The following NCKAP1 variants were observed in gnomAD, a reference collection of about 807,000 sequenced individuals.
NCKAP1 encodes NCK associated protein 1.
NCKAP1 carries 21 observed loss-of-function variants against 151.2 expected under a neutral mutation model. The observed-to-expected ratio is 0.14, with a 90% CI of 0.10 to 0.20. The LOEUF (loss-of-function observed/expected upper bound fraction) is 0.20, where lower values mean the gene tolerates loss of function less well. NCKAP1 is among the 10% of genes least tolerant of loss of function. The pLI, the probability that NCKAP1 is intolerant of heterozygous loss-of-function variation, is 1.00. For missense variants in NCKAP1, 933 were observed against 1,352.1 expected, an observed-to-expected ratio of 0.69 and a Z score of 4.86; for synonymous variants, 484 against 451.8, an observed-to-expected ratio of 1.07 and a Z score of -0.90.
chr2:183,005,494 T>C (rs1698455063), intron 2 of NCKAP1, among the ~76,000 whole-genome samples: 1 of 152,162 alleles, frequency 6.6e-6, no homozygotes, highest in Non-Finnish European at 1.5e-5. Context: ...ATTGGAAATC[T>C]CATCTCTTTA....
rs1478423121 is a variant in NCKAP1, at chr2:182,994,894, AAG to A, written c.742-9_742-8del. The A allele has an allele frequency of 6.3e-7, 1 of 1,595,292 alleles. No individual in the cohort carries two copies. Among genetic ancestry groups the A allele is most frequent in the Non-Finnish European group, 8.6e-7 (1 of 1,163,490 alleles). The stretch of plus-strand genomic sequence containing the variant: ...AGAGGTATTCACAAGGCATCTTAAA[AAG>A]AGAATATATACATTTGCAGTTAAAA... On this transcript the variant is annotated splice_polypyrimidine_tract_variant and splice_region_variant and intron_variant, in intron 7 of 30. Transcript: ENST00000361354.
In NCKAP1 at chr2:182,923,303, C is replaced by T. The variant is rs2105792826; in HGVS notation, c.*2399G>A. 1 of 151,706 alleles carries T rather than the reference C, an allele frequency of 6.6e-6. No homozygotes were observed. The highest frequency in any genetic ancestry group is 1.5e-5 in the Non-Finnish European group (1 of 67,958). The allele number at this position is 151,706 out of a possible 1,614,324, so 9.4% of individuals were successfully genotyped here. ...TTTCTTTTTTTTTTTGAGACAGTCTCATTCTGTCATCCAGGCTGGAGTGCA... is the reference window on the plus strand; with the variant it reads ...TTTCTTTTTTTTTTTGAGACAGTCTTATTCTGTCATCCAGGCTGGAGTGCA... On this transcript the variant is annotated 3_prime_UTR_variant, in exon 31 of 31. Coordinates refer to ENST00000361354, the MANE Select transcript of NCKAP1 (RefSeq NM_013436.5).
chr2:182,957,646 G>C (rs17265866), intron 18 of NCKAP1, 50 bp from the exon 19 acceptor site: 110,942 of 1,569,414 alleles, frequency 0.071, 4,515 homozygotes, highest in Non-Finnish European at 0.08. Flanking sequence ...TACTCTGAAA[G>C]CATACTAACT....
At chr2:182,941,720 G>A (rs544527418) in intron 24 of NCKAP1, among the ~76,000 whole-genome samples, 2 of 152,286 alleles carry the variant, frequency 1.3e-5, no homozygotes, top group East Asian at 1.9e-4. Context: ...TACGTATAAA[G>A]TTGATTTTTA....
intron 7 of NCKAP1, 87 bp downstream of exon 7, chr2:182,995,614 T>C: frequency 2.3e-6 from 3 of 1,277,204 alleles, no homozygotes; most frequent in Non-Finnish European, 1.1e-6. Context: ...TAATGCTAAT[T>C]AGAAACAAAC....
In NCKAP1 at chr2:182,990,049, T is replaced by C. The variant is rs557200693; in HGVS notation, c.791-863A>G. Among the ~76,000 whole-genome samples, 3 of 151,394 alleles carry C rather than the reference T, an allele frequency of 2.0e-5. No homozygotes were observed. In the South Asian group the frequency reaches 6.2e-4, roughly 31 times the overall value. On this transcript the variant is annotated intron_variant, in intron 8 of 30. Coordinates refer to ENST00000361354, the MANE Select transcript of NCKAP1 (RefSeq NM_013436.5). ...TATGCATACATACATAAAGAGAATC[T>C]ACTTTCCTAATCATGAGAATAAATC...
intron 16 of NCKAP1, among the ~76,000 whole-genome samples, chr2:182,965,402 G>A (rs1697549162): frequency 6.6e-6 from 1 of 151,592 alleles, no homozygotes. Flanking sequence ...ACAGTTCACT[G>A]CATCCTTAAC....
chr2:183,010,722 T>A lies in NCKAP1; in HGVS notation c.220-7397A>T, dbSNP rs372900250. ...AATTTTATCATCAGTACTACAAAAA[T>A]CACTAATTATATACCGTGGTATAGT... On this transcript the variant is annotated intron_variant, in intron 2 of 30. Coordinates refer to ENST00000361354, the MANE Select transcript of NCKAP1 (RefSeq NM_013436.5). Among the ~76,000 whole-genome samples, 50 of 152,300 alleles carry A rather than the reference T, an allele frequency of 3.3e-4. No homozygotes were observed. The East Asian group carries it at 3.5e-3, about 11-fold the overall frequency.
At chr2:182,969,340 GAACAATGTAGAAATTAAGGAA>G in intron 15 of NCKAP1, among the ~76,000 whole-genome samples, 1 of 152,124 alleles carries the variant, frequency 6.6e-6, no homozygotes, top group South Asian at 2.1e-4. Flanking sequence ...ATATGCTCCT[GAACAATGTAGAAATTAAGGAA>G]ATAAAAAATT....
At chr2:182,966,692 G>C (rs1274387070) in intron 16 of NCKAP1, among the ~76,000 whole-genome samples, 1 of 152,022 alleles carries the variant, frequency 6.6e-6, no homozygotes, top group Non-Finnish European at 1.5e-5. Flanking sequence ...TAGCCATTAA[G>C]GACCACATTT....
intron 1 of NCKAP1, 42 bp downstream of exon 1, chr2:183,037,950 G>T: frequency 6.7e-7 from 1 of 1,501,380 alleles, no homozygotes; most frequent in Non-Finnish European, 8.9e-7. Flanking sequence ...ATCCCTCCCG[G>T]GCCCGCCCGC....
chr2:182,962,231 T>C lies in NCKAP1; in HGVS notation c.1809A>G (p.Leu603=). 2 of 1,611,532 alleles carry C rather than the reference T, an allele frequency of 1.2e-6. No individual in the cohort carries two copies. The highest frequency in any genetic ancestry group is 1.7e-6 in the Non-Finnish European group (2 of 1,177,952). ...TTCGAGCTTGTTTGGCCATTTCATCTAGGAACATATTACATAAGGAAAGAC... is the reference window on the plus strand; with the variant it reads ...TTCGAGCTTGTTTGGCCATTTCATCCAGGAACATATTACATAAGGAAAGAC... ...DRSLSLCNMF[L]DEMAKQARNL... Residue 603 remains leucine (L), a synonymous_variant, in exon 18 of 31, where the codon CTA becomes CTG. Transcript: ENST00000361354.
At chr2:182,988,652 C>T (rs772322001) in intron 9 of NCKAP1, among the ~76,000 whole-genome samples, 2 of 152,056 alleles carry the variant, frequency 1.3e-5, no homozygotes, top group African/African-American at 2.4e-5. Context: ...TTTTTTATTG[C>T]TTCATATACT....
In NCKAP1 at chr2:183,006,802, G is replaced by C. The variant is rs1698480366; in HGVS notation, c.220-3477C>G. Reference sequence around the variant, plus strand: ...TAAGAACATAGGTAACACATTGTTTGATGTTATACAACAGAACATTAGAAA... The same window carrying C: ...TAAGAACATAGGTAACACATTGTTTCATGTTATACAACAGAACATTAGAAA... On this transcript the variant is annotated intron_variant, in intron 2 of 30. Coordinates refer to ENST00000361354, the MANE Select transcript of NCKAP1 (RefSeq NM_013436.5). 2.0e-5 allele frequency among the ~76,000 whole-genome samples: 3 copies of C among 152,280 alleles called. No homozygotes were observed. In the South Asian group the frequency reaches 6.2e-4, roughly 32 times the overall value.
chr2:182,927,067 A>G, intron 29 of NCKAP1, 162 bp from the exon 30 acceptor site: 1 of 506,064 alleles, frequency 2.0e-6, no homozygotes, highest in Non-Finnish European at 3.4e-6. Flanking sequence ...ACATTCAAGC[A>G]GTAATTTAGA....
Position 182,923,926 on chromosome 2 carries a change from T to C in NCKAP1, c.*1776A>G, listed in dbSNP as rs141609558. On this transcript the variant is annotated 3_prime_UTR_variant, in exon 31 of 31. Coordinates refer to ENST00000361354, the MANE Select transcript of NCKAP1 (RefSeq NM_013436.5). ...TAGCAGTGGTAGAGAATGCCTTATT[T>C]TCATCCTTATGCCCTTTCACATATG... 2 of 152,280 alleles carry C rather than the reference T, an allele frequency of 1.3e-5. No individual in the cohort carries two copies. The highest frequency in any genetic ancestry group is 4.8e-5 in the African/African-American group (2 of 41,566). The allele number at this position is 152,280 out of a possible 1,614,324, so 9.4% of individuals were successfully genotyped here.
chr2:182,951,081 C>T (rs1027131736), intron 23 of NCKAP1, among the ~76,000 whole-genome samples: 4 of 151,884 alleles, frequency 2.6e-5, no homozygotes, highest in African/African-American at 7.3e-5. Context: ...AATCCCCCAC[C>T]TCGGCCTCCC....
intron 8 of NCKAP1, among the ~76,000 whole-genome samples, chr2:182,993,035 A>C (rs560479367): frequency 9.8e-5 from 15 of 152,352 alleles, no homozygotes; most frequent in Non-Finnish European, 1.9e-4. Flanking sequence ...ACTGTAATAA[A>C]AAGTCAACAA....
rs1051951773 is a variant in NCKAP1 at position 182,959,821 on chromosome 2, T to C, written c.1882-2225A>G. The stretch of plus-strand genomic sequence containing the variant: ...TTGTCACTGTTTGCAGGGGACATGA[T>C]TGTATATCTAGAAAACCCCATTGTC... On this transcript the variant is annotated intron_variant, in intron 18 of 30. Coordinates refer to ENST00000361354, the MANE Select transcript of NCKAP1 (RefSeq NM_013436.5). 3.9e-5 allele frequency among the ~76,000 whole-genome samples: 6 copies of C among 152,170 alleles called. No homozygotes were observed. In the East Asian group the frequency reaches 5.8e-4, roughly 15 times the overall value.
Sources: gnomAD v4.1 joint callset for allele counts (sites outside exome capture counted in the v4.1 genomes callset) on GRCh38, gnomAD v4.1.1 for gene constraint, MANE v1.5 for transcripts, NCBI Gene and HGNC (gene_info 2026-07-23, HGNC 2026-07-21) for gene names.